Variants in COG5 observed in about 807,000 individuals in gnomAD.
COG5 encodes component of oligomeric golgi complex 5, also known as conserved oligomeric Golgi complex subunit 5.
COG5 carries 86 observed loss-of-function variants against 110.4 expected under a neutral mutation model. That is an observed-to-expected ratio of 0.78 (90% confidence interval 0.65 to 0.93). COG5 has a LOEUF of 0.93. Among genes scored for constraint, COG5 ranks in the 40% least tolerant of loss-of-function variants. The pLI is 0.00. For synonymous variants in COG5, 360 were observed against 334.6 expected, an observed-to-expected ratio of 1.08 and a Z score of -0.83; for missense variants, 1,077 against 987.0, an observed-to-expected ratio of 1.09 and a Z score of -1.22.
At chr7:107,525,238 G>GT (rs926090196) in intron 6 of COG5, among the ~76,000 whole-genome samples, 163 of 142,162 alleles carry the variant, frequency 1.1e-3, no homozygotes, top group Middle Eastern at 7.1e-3. Context: ...GCCTGTTTTT[G>GT]TTTTTTTTTT....
In COG5 at chr7:107,295,097, ATATATTT is replaced by A. The variant is rs1269003169; in HGVS notation, c.1313+3038_1313+3044del. Among the ~76,000 whole-genome samples, 20 of 70,582 alleles carry A rather than the reference ATATATTT, an allele frequency of 2.8e-4. No homozygotes were observed. The South Asian group carries it at 3.2e-3, about 11-fold the overall frequency. 46.3% of individuals were successfully genotyped at this position (70,582 alleles called of 152,430 possible). On this transcript the variant is annotated intron_variant, in intron 12 of 21. Coordinates refer to ENST00000297135, the MANE Select transcript of COG5 (RefSeq NM_006348.5). ...TATATATATATATATATATATATAT[ATATATTT>A]TTTTTTTTTTTTTGTAGAGTCAGGA...
intron 18 of COG5, among the ~76,000 whole-genome samples, chr7:107,234,594 G>A (rs549014372): frequency 3.2e-4 from 48 of 152,190 alleles, no homozygotes; most frequent in Non-Finnish European, 4.4e-4. Flanking sequence ...TCTCCTGCTC[G>A]GCTGCCACTC....
At chr7:107,476,250 C>T (rs1349078280) in intron 6 of COG5, among the ~76,000 whole-genome samples, 1 of 139,632 alleles carries the variant, frequency 7.2e-6, no homozygotes, top group Non-Finnish European at 1.5e-5. Flanking sequence ...CTTTATTCAA[C>T]TCAGCTCTTT....
At chr7:107,405,255 A>G (rs10487272) in intron 7 of COG5, among the ~76,000 whole-genome samples, 5,081 of 152,268 alleles carry the variant, frequency 0.033, 109 homozygotes, top group Middle Eastern at 0.061. Flanking sequence ...TGCAATTGAG[A>G]TAACAAATGT....
chr7:107,487,920 G>T (rs193061280), intron 6 of COG5, among the ~76,000 whole-genome samples: 22 of 152,106 alleles, frequency 1.4e-4, no homozygotes, highest in African/African-American at 4.8e-4. Flanking sequence ...ACAGTTGAGA[G>T]GTTAGTTTCT....
chr7:107,534,407 A>T (rs189183145), intron 5 of COG5, among the ~76,000 whole-genome samples: 2 of 151,608 alleles, frequency 1.3e-5, no homozygotes, highest in Non-Finnish European at 2.9e-5. Context: ...CATGTGATGA[A>T]TTCAGGAGAT....
intron 7 of COG5, among the ~76,000 whole-genome samples, chr7:107,381,299 T>C (rs1815097217): frequency 6.6e-6 from 1 of 152,190 alleles, no homozygotes; most frequent in Non-Finnish European, 1.5e-5. Flanking sequence ...GTCCCTGAAA[T>C]GTCTAGAAAA....
At chr7:107,221,571 T>C (rs1470018946) in intron 19 of COG5, among the ~76,000 whole-genome samples, 1 of 152,050 alleles carries the variant, frequency 6.6e-6, no homozygotes, top group East Asian at 1.9e-4. Context: ...GAGACCATCC[T>C]GGCTAACATG....
At chr7:107,555,905 T>C (rs1409371780) in intron 2 of COG5, among the ~76,000 whole-genome samples, 2 of 151,730 alleles carry the variant, frequency 1.3e-5, no homozygotes, top group Non-Finnish European at 2.9e-5. Context: ...TCTCAGCTAC[T>C]CAGGAGGCTG....
chr7:107,323,305 G>A (rs1448040602), intron 11 of COG5, among the ~76,000 whole-genome samples: 3 of 152,170 alleles, frequency 2.0e-5, no homozygotes, highest in African/African-American at 7.2e-5. Context: ...AAGGCGGGCC[G>A]ATCATTTGAG....
intron 11 of COG5, among the ~76,000 whole-genome samples, chr7:107,301,103 A>G (rs892652194): frequency 3.3e-5 from 5 of 152,192 alleles, no homozygotes; most frequent in African/African-American, 1.2e-4. Flanking sequence ...ATATGCAAAA[A>G]TACCCTCTTT....
chr7:107,236,580 C>T lies in COG5; in HGVS notation c.1961G>A (p.Cys654Tyr). ...VMSDYFKHFE[C>Y]LDFVFDNTEA... is the part of the protein sequence containing the mutation. ...AGTGTTGTCAAAGACAAAATCCAAG[C>T]ATTCAAAGTGTTTAAAATAGTCACT... is the stretch of plus-strand genomic sequence containing the variant. The change falls in exon 18 of 22, where the codon TGC (cysteine) becomes TAC (tyrosine). Residue 654 changes from cysteine to tyrosine, a missense_variant. Physicochemically the swap from Cys to Tyr is radical, Grantham distance 194. Transcript: ENST00000297135. The T allele has an allele frequency of 6.2e-7, 1 of 1,614,058 alleles. No individual in the cohort carries two copies. Among genetic ancestry groups the T allele is most frequent in the East Asian group, 2.2e-5 (1 of 44,866 alleles).
chr7:107,344,421 T>C (rs1811426118), intron 10 of COG5, among the ~76,000 whole-genome samples: 2 of 152,352 alleles, frequency 1.3e-5, no homozygotes, highest in South Asian at 2.1e-4. Context: ...AATTAGGATA[T>C]TGCTCTTGAT....
At chr7:107,368,745 A>G (rs1201125956) in intron 8 of COG5, among the ~76,000 whole-genome samples, 3 of 152,138 alleles carry the variant, frequency 2.0e-5, no homozygotes, top group Non-Finnish European at 2.9e-5. Context: ...TGTGTTGTCT[A>G]CTTTGCTTCA....
chr7:107,206,597 C>T (rs764722562), intron 21 of COG5, among the ~76,000 whole-genome samples: 36 of 152,152 alleles, frequency 2.4e-4, no homozygotes, highest in African/African-American at 7.5e-4. Context: ...TATGTATCAG[C>T]GTATAAGAAG....
At chr7:107,358,341 GTTGT>G (rs1357605085) in intron 10 of COG5, among the ~76,000 whole-genome samples, 1 of 152,154 alleles carries the variant, frequency 6.6e-6, no homozygotes, top group African/African-American at 2.4e-5. Context: ...TGCAAGTATA[GTTGT>G]TTGTCTGTAA....
chr7:107,504,176 T>C (rs1262956475), intron 6 of COG5, among the ~76,000 whole-genome samples: 2 of 152,356 alleles, frequency 1.3e-5, no homozygotes, highest in African/African-American at 2.4e-5. Context: ...ATCCCTTCTA[T>C]GCCTAGTTTG....
intron 6 of COG5, among the ~76,000 whole-genome samples, chr7:107,499,609 G>A (rs1412932803): frequency 6.6e-6 from 1 of 152,012 alleles, no homozygotes; most frequent in African/African-American, 2.4e-5. Flanking sequence ...GTTTCACCAT[G>A]TTGGCCCAGC....
intron 6 of COG5, among the ~76,000 whole-genome samples, chr7:107,464,157 C>T (rs1266495619): frequency 1.3e-5 from 2 of 152,166 alleles, no homozygotes; most frequent in East Asian, 1.9e-4. Flanking sequence ...AGCAAGACTG[C>T]ATTTACATTC....
Sources: allele counts gnomAD v4.1 joint callset (sites outside exome capture counted in the v4.1 genomes callset), GRCh38; gene constraint gnomAD v4.1.1; transcripts MANE v1.5; gene names NCBI Gene and HGNC (gene_info 2026-07-23, HGNC 2026-07-21).